The following SLTM variants were observed in gnomAD, a reference collection of about 807,000 sequenced individuals.
SLTM encodes the protein SAFB like transcription modulator.
In SLTM, 43 loss-of-function variants were observed where a neutral mutation model predicts 134.6. The ratio of observed to expected loss-of-function variants is 0.32; its 90% CI spans 0.25 to 0.41. SLTM has a LOEUF of 0.41. Ranked by LOEUF, SLTM falls within the 10% of genes least tolerant of loss-of-function variation. The probability of loss-of-function intolerance (pLI) is 1.00; values close to 1 mark genes in which losing one functional copy is unlikely to be tolerated. For missense variants in SLTM, 1,055 were observed against 1,288.8 expected (o/e 0.82, Z 2.78); for synonymous variants, 424 against 432.3 (o/e 0.98, Z 0.24).
At chr15:58,923,060 G>A (rs901882794) in intron 2 of SLTM, among the ~76,000 whole-genome samples, 8 of 152,024 alleles carry the variant, frequency 5.3e-5, no homozygotes, top group Non-Finnish European at 7.4e-5. Flanking sequence ...TCCTATGCTG[G>A]ACACATGGAA....
chr15:58,909,965 A>C (rs1410986119), intron 5 of SLTM, among the ~76,000 whole-genome samples: 1 of 152,220 alleles, frequency 6.6e-6, no homozygotes, highest in African/African-American at 2.4e-5. Context: ...ACCTCCTAAA[A>C]CATTTCAATC....
chr15:58,901,260 C>T lies in SLTM; in HGVS notation c.589G>A (p.Asp197Asn). 6.2e-7 allele frequency: 1 copy of T among 1,604,514 alleles called. No individual in the cohort carries two copies. The highest frequency in any genetic ancestry group is 8.5e-7 in the Non-Finnish European group (1 of 1,176,200). Residue 197 changes from aspartate (D) to asparagine (N), a missense_variant and splice_region_variant, in exon 6 of 21, where the codon GAT (aspartate) becomes AAT (asparagine). Asp to Asn is a conservative substitution (Grantham distance 23, BLOSUM62 1). Around this residue, in one of 3 missense-constraint regions of SLTM, gnomAD observed 268 missense variants for 284.3 expected, o/e 0.94. Coordinates refer to ENST00000380516, the MANE Select transcript of SLTM (RefSeq NM_024755.4). ...QDGEEEENEKDIAGSGDGTQE... is the reference protein window; with the variant it reads ...QDGEEEENEKNIAGSGDGTQE... ...TTTTAAGCTCTAGCATCAAACATAC[C>T]TTTCTCATTTTCTTCTTCCTCACCA... is the stretch of plus-strand genomic sequence containing the variant.
intron 2 of SLTM, among the ~76,000 whole-genome samples, chr15:58,931,521 A>G (rs1437606597): frequency 6.6e-6 from 1 of 152,236 alleles, no homozygotes; most frequent in Admixed American, 6.5e-5. Context: ...TGTTCATGAC[A>G]AACTCTGCAT....
chr15:58,879,856 A>G lies in SLTM; in HGVS notation c.*143T>C. ...TATTTAAACATCTTCTCCAAAATTG[A>G]GAAAAGCAATCATGTTAAATTTTTA... is the stretch of plus-strand genomic sequence containing the variant. On this transcript the variant is annotated 3_prime_UTR_variant, in exon 21 of 21. Coordinates refer to ENST00000380516, the MANE Select transcript of SLTM (RefSeq NM_024755.4). 2 of 1,020,994 alleles carry G rather than the reference A, an allele frequency of 2.0e-6. No individual in the cohort carries two copies. Among genetic ancestry groups the G allele is most frequent in the Admixed American group, 6.4e-5 (2 of 31,440 alleles). The allele number at this position is 1,020,994 out of a possible 1,614,324, so 63.2% of individuals were successfully genotyped here. A position where few individuals can be genotyped will look rare whatever the true frequency, so the allele number is the denominator to read the frequency against.
At chr15:58,888,711 T>C (rs776839227) in intron 16 of SLTM, 156 bp from the exon 17 acceptor site, 10 of 556,050 alleles carry the variant, frequency 1.8e-5, no homozygotes, top group Non-Finnish European at 3.0e-5. Context: ...TAGCAAAGAC[T>C]TAATTGTTGA....
intron 13 of SLTM, 100 bp from the exon 14 acceptor site, chr15:58,893,160 A>T: frequency 7.1e-7 from 1 of 1,407,982 alleles, no homozygotes; most frequent in Non-Finnish European, 9.7e-7. Context: ...GACTAGTAAC[A>T]TTTCCTTTTT....
intron 12 of SLTM, 112 bp downstream of exon 12, chr15:58,893,709 G>A: frequency 8.6e-7 from 1 of 1,160,108 alleles, no homozygotes; most frequent in Non-Finnish European, 1.2e-6. Context: ...CTACCACAAT[G>A]ACACCTAACA....
At chr15:58,881,693 A>G (rs2033721626) in intron 20 of SLTM, among the ~76,000 whole-genome samples, 1 of 152,172 alleles carries the variant, frequency 6.6e-6, no homozygotes, top group Non-Finnish European at 1.5e-5. Context: ...CAATTTACAA[A>G]TGGGGTAATG....
intron 2 of SLTM, among the ~76,000 whole-genome samples, chr15:58,917,987 CA>C (rs1474284801): frequency 6.6e-6 from 1 of 151,898 alleles, no homozygotes; most frequent in Non-Finnish European, 1.5e-5. Flanking sequence ...CTCCTGACCT[CA>C]AGTGATCTGC....
chr15:58,890,448 C>T lies in SLTM; in HGVS notation c.1912G>A (p.Ala638Thr). The T allele has an allele frequency of 6.2e-7, 1 of 1,613,690 alleles. No individual in the cohort carries two copies. The highest frequency in any genetic ancestry group is 8.5e-7 in the Non-Finnish European group (1 of 1,179,952). The change falls in exon 15 of 21, where the codon GCA becomes ACA. Residue 638 changes from alanine to threonine, a missense_variant. Transcript: ENST00000380516. ...AMELRRRREIAERERRERERI... is the reference protein window; with the variant it reads ...AMELRRRREITERERRERERI... ...TCTCGCTCTCGACGCTCTCTCTCTGCAATCTCTCTTCGTCTACCAAAAATC... is the reference window on the plus strand; with the variant it reads ...TCTCGCTCTCGACGCTCTCTCTCTGTAATCTCTCTTCGTCTACCAAAAATC...
chr15:58,889,552 T>C lies in SLTM; in HGVS notation c.2082A>G (p.Glu694=). The change falls in exon 16 of 21, where the codon GAA becomes GAG. Residue 694 remains glutamate (E), a splice_region_variant and synonymous_variant. Transcript: ENST00000380516. ...LERERIRIEQ[E]RRKEAERIAR... is the part of the protein sequence containing the mutation. ...CAATCCGTTCAGCTTCCTTACGACG[T>C]TCCTTCAGACAACACAGAATGAAGA... 6.2e-7 allele frequency: 1 copy of C among 1,613,958 alleles called. No homozygotes were observed. Among genetic ancestry groups the C allele is most frequent in the East Asian group, 2.2e-5 (1 of 44,864 alleles).
chr15:58,907,505 C>T (rs2035945752), intron 5 of SLTM, among the ~76,000 whole-genome samples: 1 of 152,142 alleles, frequency 6.6e-6, no homozygotes, highest in East Asian at 1.9e-4. Flanking sequence ...GCCTGTAGTC[C>T]CAGCTACCAG....
At position 58,899,508 on chromosome 15, in the gene SLTM, T is replaced by C. The variant is rs749825018; in HGVS notation, c.1019A>G (p.Lys340Arg). ...SGDKEKDTLKKGPSSTGASGQ... is the reference protein window; with the variant it reads ...SGDKEKDTLKRGPSSTGASGQ... The stretch of plus-strand genomic sequence containing the variant: ...AGAGGCCCCAGTAGACGAGGGCCCT[T>C]TCTTCAAAGTATCCTTTTCTTTGTC... The change falls in exon 7 of 21, where the codon AAA (lysine) becomes AGA (arginine). Residue 340 changes from lysine to arginine, a missense_variant. Physicochemically the swap from Lys to Arg is conservative, Grantham distance 26. Coordinates refer to ENST00000380516, the MANE Select transcript of SLTM (RefSeq NM_024755.4). The surrounding 1 kb of genome is among the most constrained non-coding windows in gnomAD (Gnocchi z 5.0). 10 of 1,614,140 alleles carry C rather than the reference T, an allele frequency of 6.2e-6. No homozygotes were observed. The South Asian group carries it at 9.9e-5, about 16-fold the overall frequency.
chr15:58,922,202 C>A (rs2037098862), intron 2 of SLTM, among the ~76,000 whole-genome samples: 1 of 150,878 alleles, frequency 6.6e-6, no homozygotes, highest in South Asian at 2.1e-4. Context: ...ATGGTGAAAC[C>A]CTGTCTCTAC....
rs760813853 is a variant in SLTM, at chr15:58,886,990, T to A, written c.2820A>T (p.Arg940=). Residue 940 remains arginine (R), a synonymous_variant, in exon 19 of 21, where the codon CGA becomes CGT. Transcript: ENST00000380516. The part of the protein sequence containing the change: ...REGDRGVITD[R]GGGSQHYPEE... Reference sequence around the variant, plus strand: ...CAGCACTTACCTGTGATCCACCTCCTCGGTCTGTGATGACTCCTCTGTCTC... The same window carrying A: ...CAGCACTTACCTGTGATCCACCTCCACGGTCTGTGATGACTCCTCTGTCTC... 45 of 1,612,390 alleles carry A rather than the reference T, an allele frequency of 2.8e-5. No homozygotes were observed. Among genetic ancestry groups the A allele is most frequent in the Non-Finnish European group, 3.6e-5 (43 of 1,180,010 alleles).
chr15:58,904,219 C>G (rs1431987488), intron 5 of SLTM, among the ~76,000 whole-genome samples: 1 of 152,072 alleles, frequency 6.6e-6, no homozygotes, highest in East Asian at 1.9e-4. Flanking sequence ...CCATGTTGCC[C>G]AGGCTGGTCT....
chr15:58,914,154 TA>T (rs2036471748), intron 3 of SLTM, among the ~76,000 whole-genome samples: 1 of 152,236 alleles, frequency 6.6e-6, no homozygotes, highest in Non-Finnish European at 1.5e-5. Context: ...TGCAAATAAC[TA>T]ATTGAAATGT....
At chr15:58,914,955 G>T (rs1198011337) in intron 3 of SLTM, among the ~76,000 whole-genome samples, 1 of 152,186 alleles carries the variant, frequency 6.6e-6, no homozygotes, top group African/African-American at 2.4e-5. Context: ...TAGCATCTTA[G>T]GAGGCCGACG....
chr15:58,906,112 T>TG (rs2035850826), intron 5 of SLTM, among the ~76,000 whole-genome samples: 1 of 152,158 alleles, frequency 6.6e-6, no homozygotes, highest in South Asian at 2.1e-4. Flanking sequence ...CCAAAATACT[T>TG]GCAATAAGGA....
Sources: allele counts gnomAD v4.1 joint callset (sites outside exome capture counted in the v4.1 genomes callset), GRCh38; gene constraint gnomAD v4.1.1; regional missense constraint gnomAD v4.1.1; non-coding constraint Gnocchi (gnomAD v3.1); transcripts MANE v1.5; gene names NCBI Gene and HGNC (gene_info 2026-07-23, HGNC 2026-07-21).